TC2N: variants seen among roughly 807,000 people sequenced by gnomAD.
TC2N encodes tandem C2 domains, nuclear, also known as tandem C2 domains nuclear protein.
A neutral mutation model predicts 61.9 loss-of-function variants in TC2N; 51 were observed. That is an observed-to-expected ratio of 0.82 (90% CI 0.66 to 1.04). The LOEUF is 1.04. Among genes scored for constraint, TC2N ranks in the 50% least tolerant of loss-of-function variants. The pLI, the probability that TC2N is intolerant of heterozygous loss-of-function variation, is 0.00. For missense variants in TC2N, 556 were observed against 566.7 expected (o/e 0.98, Z 0.19); for synonymous variants, 204 against 192.6 (o/e 1.06, Z -0.49).
intron 3 of TC2N, 117 bp from the exon 4 acceptor site, chr14:91,802,538 T>C (rs1886309474): frequency 1.2e-6 from 1 of 833,068 alleles, no homozygotes; most frequent in Non-Finnish European, 1.9e-6. Context: ...CTAAATCACA[T>C]GTCTTTGATA....
At chr14:91,791,941 C>T (rs1038714458) in intron 9 of TC2N, among the ~76,000 whole-genome samples, 1 of 151,844 alleles carries the variant, frequency 6.6e-6, no homozygotes, top group African/African-American at 2.4e-5. Context: ...ACAGTGAAAC[C>T]CCGTCTCTAC....
chr14:91,812,520 T>C lies in TC2N; in HGVS notation c.93A>G (p.Ala31=). ...TAGCATTTTGACTATTTGGGACTGC[T>C]GCTTTAAAATCTCTTTCCACAGAAA... The part of the protein sequence containing the change: ...HNFSVERDFK[A]AVPNSQNATI... Residue 31 remains alanine, a synonymous_variant, in exon 3 of 12, where the codon GCA becomes GCG. Coordinates refer to ENST00000435962, the MANE Select transcript of TC2N (RefSeq NM_001128596.3). 6.3e-7 allele frequency: 1 copy of C among 1,586,516 alleles called. No homozygotes were observed. Among genetic ancestry groups the C allele is most frequent in the Non-Finnish European group, 8.6e-7 (1 of 1,161,286 alleles).
intron 1 of TC2N, among the ~76,000 whole-genome samples, chr14:91,838,358 C>G (rs139346541): frequency 1.4e-3 from 217 of 152,154 alleles, no homozygotes; most frequent in African/African-American, 5.1e-3. Context: ...GCTGTCCAGG[C>G]TGGTCTGAAA....
At chr14:91,819,255 G>C (rs1887139288) in intron 1 of TC2N, among the ~76,000 whole-genome samples, 3 of 151,984 alleles carry the variant, frequency 2.0e-5, no homozygotes, top group Admixed American at 2.0e-4. Flanking sequence ...ACTTGAATCT[G>C]GGAGGCAGAG....
At chr14:91,791,745 C>T (rs912079819) in intron 9 of TC2N, among the ~76,000 whole-genome samples, 14 of 149,816 alleles carry the variant, frequency 9.3e-5, no homozygotes, top group African/African-American at 3.5e-4. Flanking sequence ...TTATCAGCTA[C>T]CTAAAAAAAC....
At chr14:91,849,359 TG>T (rs1308623152) in intron 1 of TC2N, among the ~76,000 whole-genome samples, 1 of 152,128 alleles carries the variant, frequency 6.6e-6, no homozygotes, top group Non-Finnish European at 1.5e-5. Flanking sequence ...CAAGACACTT[TG>T]GTGGCCACGT....
At chr14:91,824,800 G>GGTAACAAT (rs146700841) in intron 1 of TC2N, among the ~76,000 whole-genome samples, 335 of 152,222 alleles carry the variant, frequency 2.2e-3, no homozygotes, top group African/African-American at 7.0e-3. Flanking sequence ...TCTCTGAGGA[G>GGTAACAAT]GTAACAATCC....
At chr14:91,801,237 A>C (rs568800090) in intron 4 of TC2N, among the ~76,000 whole-genome samples, 11 of 152,240 alleles carry the variant, frequency 7.2e-5, no homozygotes, top group Non-Finnish European at 1.6e-4. Flanking sequence ...GAGTTTCTAA[A>C]TTCATCATTT....
intron 10 of TC2N, among the ~76,000 whole-genome samples, chr14:91,785,676 A>T (rs1374747143): frequency 6.6e-6 from 1 of 152,118 alleles, no homozygotes; most frequent in East Asian, 1.9e-4. Context: ...GATCACACTA[A>T]AGAGAGGTAC....
chr14:91,800,383 A>T lies in TC2N; in HGVS notation c.470-11T>A. 1 of 1,498,036 alleles carries T rather than the reference A, an allele frequency of 6.7e-7. No individual in the cohort carries two copies. 92.8% of individuals were successfully genotyped at this position (1,498,036 alleles called of 1,614,324 possible). A position where few individuals can be genotyped will look rare whatever the true frequency, so the allele number is the denominator to read the frequency against. ...TCCTTAAATCACAAACTACAAAGGG[A>T]TATGAGAAAAGTATATATTTTTAAG... On this transcript the variant is annotated splice_polypyrimidine_tract_variant and intron_variant, in intron 4 of 11. Coordinates refer to ENST00000435962, the MANE Select transcript of TC2N (RefSeq NM_001128596.3).
Position 91,783,134 on chromosome 14 carries a change from A to G in TC2N, c.1439T>C (p.Val480Ala), listed in dbSNP as rs1885201891. 1.2e-6 allele frequency: 2 copies of G among 1,611,134 alleles called. No homozygotes were observed. The highest frequency in any genetic ancestry group is 1.7e-6 in the Non-Finnish European group (2 of 1,178,198). The part of the protein sequence containing the change: ...WKETVINPEK[V>A]VIRWHKLNPS ...ATTTAATTTGTGCCACCTGATAACA[A>G]CCTTTTCTGGATTTATTACTGTCTC... is the stretch of plus-strand genomic sequence containing the variant. Residue 480 changes from valine to alanine, a missense_variant, in exon 12 of 12, where the codon GTT becomes GCT. Transcript: ENST00000435962.
chr14:91,826,459 T>A (rs1231352881), intron 1 of TC2N, among the ~76,000 whole-genome samples: 1 of 152,148 alleles, frequency 6.6e-6, no homozygotes, highest in Non-Finnish European at 1.5e-5. Flanking sequence ...TCCTTTTAGT[T>A]CTATCAGATT....
chr14:91,787,068 A>G (rs1885401710), intron 10 of TC2N, among the ~76,000 whole-genome samples: 1 of 152,226 alleles, frequency 6.6e-6, no homozygotes. Flanking sequence ...AGACAACCAA[A>G]GTATCACAAC....
intron 1 of TC2N, among the ~76,000 whole-genome samples, chr14:91,851,012 A>G (rs8010628): frequency 0.92 from 139,565 of 152,234 alleles, 64,547 homozygotes; most frequent in Non-Finnish European, 0.97. Context: ...TCTAGTTTCA[A>G]GAAAACAAGC....
chr14:91,835,137 C>T (rs1237888224), intron 1 of TC2N, among the ~76,000 whole-genome samples: 1 of 152,168 alleles, frequency 6.6e-6, no homozygotes, highest in Non-Finnish European at 1.5e-5. Flanking sequence ...ACAAGATATA[C>T]TTAAATTTTT....
At chr14:91,810,720 T>C (rs1886725014) in intron 3 of TC2N, among the ~76,000 whole-genome samples, 1 of 151,518 alleles carries the variant, frequency 6.6e-6, no homozygotes, top group Non-Finnish European at 1.5e-5. Context: ...AAGAACCAAA[T>C]GTAAACTCTA....
chr14:91,784,344 A>G (rs1376566965), intron 11 of TC2N, among the ~76,000 whole-genome samples: 1 of 152,208 alleles, frequency 6.6e-6, no homozygotes, highest in Non-Finnish European at 1.5e-5. Context: ...TCTTTTCCAA[A>G]TAATAAATGA....
At position 91,782,142 on chromosome 14, in the gene TC2N, T is replaced by C. The variant is rs1400131503; in HGVS notation, c.*958A>G. ...TTTCCAAATACTGAGTTCTAATAAG[T>C]ACTGGAAAGAAAACTGCAATAGAAA... On this transcript the variant is annotated 3_prime_UTR_variant, in exon 12 of 12. Coordinates refer to ENST00000435962, the MANE Select transcript of TC2N (RefSeq NM_001128596.3). The C allele has an allele frequency of 6.6e-6, 1 of 151,990 alleles. No individual in the cohort carries two copies. Among genetic ancestry groups the C allele is most frequent in the African/African-American group, 2.4e-5 (1 of 41,424 alleles). 9.4% of individuals were successfully genotyped at this position (151,990 alleles called of 1,614,324 possible).
intron 3 of TC2N, 53 bp downstream of exon 3, chr14:91,812,259 T>C (rs1373594900): frequency 8.8e-6 from 8 of 904,012 alleles, no homozygotes; most frequent in Non-Finnish European, 1.3e-5. Flanking sequence ...AGTAAAATAA[T>C]AGCACTTAAA....
Sources: allele counts gnomAD v4.1 joint callset (sites outside exome capture counted in the v4.1 genomes callset), GRCh38; gene constraint gnomAD v4.1.1; transcripts MANE v1.5; gene names NCBI Gene and HGNC (gene_info 2026-07-23, HGNC 2026-07-21).